NDUFAF6: variants seen among roughly 807,000 people sequenced by gnomAD.
NDUFAF6 encodes the protein NADH:ubiquinone oxidoreductase complex assembly factor 6.
Under a neutral mutation model 40.8 loss-of-function variants are expected in NDUFAF6, and 45 were observed. The observed-to-expected ratio is 1.10, with a 90% CI of 0.87 to 1.42. The LOEUF is 1.42. Among genes scored for constraint, NDUFAF6 ranks in the 40% most tolerant of loss-of-function variants. NDUFAF6 has a pLI of 0.00. For missense variants in NDUFAF6, 435 were observed against 418.5 expected, an observed-to-expected ratio of 1.04 and a Z score of -0.34; for synonymous variants, 185 against 155.9, an observed-to-expected ratio of 1.19 and a Z score of -1.39.
intron 2 of NDUFAF6, chr8:94,949,509 AC>A (rs1049964359): frequency 2.0e-5 from 3 of 151,646 alleles, no homozygotes; most frequent in African/African-American, 7.3e-5. Context: ...AACGCACGTG[AC>A]CTGGCGCCCG....
rs2132006057 is a variant in NDUFAF6, at chr8:95,058,451, T to A, written c.*514T>A. 1 of 1,230,912 alleles carries A rather than the reference T, an allele frequency of 8.1e-7. No homozygotes were observed. The highest frequency in any genetic ancestry group is 4.2e-5 in the South Asian group (1 of 23,966). The allele number at this position is 1,230,912 out of a possible 1,614,324, so 76.2% of individuals were successfully genotyped here. A position where few individuals can be genotyped will look rare whatever the true frequency, so the allele number is the denominator to read the frequency against. On this transcript the variant is annotated 3_prime_UTR_variant, in exon 9 of 9. Transcript: ENST00000396124. The stretch of plus-strand genomic sequence containing the variant: ...TGTTGTGGGCTTTTATCCTTAACGT[T>A]TAATTTTTACAATCTTGTGTAAAAA...
At chr8:94,909,388 C>A in intron 1 of NDUFAF6, among the ~76,000 whole-genome samples, 1 of 52,802 alleles carries the variant, frequency 1.9e-5, no homozygotes, top group East Asian at 9.4e-4. Flanking sequence ...AAAAACACTT[C>A]GGGAGGCCAA....
rs112115042 is a variant in NDUFAF6 at position 95,031,876 on chromosome 8, C to G, written c.198-119C>G. On this transcript the variant is annotated intron_variant, in intron 1 of 8. Transcript: ENST00000396124. ...TTGGCCTCCCAAAGTGCTGGGATTA[C>G]AGGCATGAGCTACCGCGCCCAACTT... 1.5e-5 allele frequency: 14 copies of G among 914,956 alleles called. No homozygotes were observed. The African/African-American group carries it at 2.3e-4, about 15-fold the overall frequency. The allele number at this position is 914,956 out of a possible 1,614,324, so 56.7% of individuals were successfully genotyped here. A position where few individuals can be genotyped will look rare whatever the true frequency, so the allele number is the denominator to read the frequency against.
At chr8:95,028,980 C>G (rs1828502952) in intron 1 of NDUFAF6, among the ~76,000 whole-genome samples, 1 of 152,160 alleles carries the variant, frequency 6.6e-6, no homozygotes, top group African/African-American at 2.4e-5. Flanking sequence ...TTTAGCAGTA[C>G]TCTTGAGATA....
intron 1 of NDUFAF6, among the ~76,000 whole-genome samples, chr8:94,932,574 C>T (rs1383048585): frequency 2.6e-5 from 4 of 152,260 alleles, no homozygotes; most frequent in East Asian, 3.9e-4. Context: ...GAGGCTGAGG[C>T]GGGCGGATCG....
chr8:95,064,540 CGTGTGT>C lies in NDUFAF6; in HGVS notation c.*512-11075_*512-11070del, dbSNP rs10559024. Among the ~76,000 whole-genome samples, 207 of 149,728 alleles carry C rather than the reference CGTGTGT, an allele frequency of 1.4e-3. 1 individual carries two copies. The highest frequency in any genetic ancestry group is 4.8e-3 in the African/African-American group (195 of 40,812). On this transcript the variant is annotated intron_variant and NMD_transcript_variant, in intron 9 of 9. Transcript: ENST00000520757. ...AGCCACTGTGATATTATCATTTATTCGTGTGTGTGTGTGTGTGTGTGTGCGCGCGTG... is the reference window on the plus strand; with the variant it reads ...AGCCACTGTGATATTATCATTTATTCGTGTGTGTGTGTGTGTGCGCGCGTG...
At chr8:94,932,313 C>G (rs906564406) in intron 1 of NDUFAF6, among the ~76,000 whole-genome samples, 2 of 152,156 alleles carry the variant, frequency 1.3e-5, no homozygotes, top group Admixed American at 1.3e-4. Flanking sequence ...TACCCTGAAG[C>G]CCACTGTAAT....
intron 7 of NDUFAF6, 95 bp from the exon 8 acceptor site, chr8:95,052,079 C>G: frequency 9.0e-7 from 1 of 1,109,258 alleles, no homozygotes; most frequent in Non-Finnish European, 1.4e-6. Context: ...TTGAGAGAGG[C>G]CCTATCAGTA....
At chr8:95,007,605 A>AG (rs1415297863) in intron 2 of NDUFAF6, among the ~76,000 whole-genome samples, 1 of 148,606 alleles carries the variant, frequency 6.7e-6, no homozygotes, top group African/African-American at 2.5e-5. Context: ...TTGAGGCTAT[A>AG]GTGAGCCATG....
chr8:95,065,358 C>T (rs1462495079), intron 9 of NDUFAF6, among the ~76,000 whole-genome samples: 1 of 152,192 alleles, frequency 6.6e-6, no homozygotes, highest in Non-Finnish European at 1.5e-5. Context: ...GTGTCCGCTG[C>T]AGAACTGCTG....
At chr8:95,051,492 G>T (rs1831423310) in intron 7 of NDUFAF6, among the ~76,000 whole-genome samples, 1 of 152,172 alleles carries the variant, frequency 6.6e-6, no homozygotes. Flanking sequence ...AAGTCAGGAA[G>T]TAGAGGGCTT....
intron 1 of NDUFAF6, among the ~76,000 whole-genome samples, chr8:94,931,203 A>G (rs1461314510): frequency 6.6e-6 from 1 of 152,260 alleles, no homozygotes; most frequent in African/African-American, 2.4e-5. Context: ...TTTCCTGTCT[A>G]TAAGTAAAAT....
At chr8:95,043,102 T>C (rs1830323168) in intron 4 of NDUFAF6, among the ~76,000 whole-genome samples, 1 of 150,494 alleles carries the variant, frequency 6.6e-6, no homozygotes, top group Admixed American at 6.6e-5. Context: ...TTTTTTTTTT[T>C]TGAGATGGAG....
At chr8:95,057,763 TCTTGATCA>T in intron 8 of NDUFAF6, 38 bp from the exon 9 acceptor site, 1 of 1,399,604 alleles carries the variant, frequency 7.1e-7, no homozygotes, top group Non-Finnish European at 9.9e-7. Flanking sequence ...TTTTTTTAAG[TCTTGATCA>T]TTTTATGATC....
intron 2 of NDUFAF6, among the ~76,000 whole-genome samples, chr8:94,994,211 A>G (rs62523084): frequency 0.073 from 11,137 of 152,176 alleles, 594 homozygotes; most frequent in African/African-American, 0.15. Context: ...GTGTGGTTCT[A>G]CTGGCCTCTG....
At chr8:95,004,257 A>C (rs968315902) in intron 2 of NDUFAF6, among the ~76,000 whole-genome samples, 2 of 151,286 alleles carry the variant, frequency 1.3e-5, no homozygotes, top group Non-Finnish European at 2.9e-5. Context: ...CAGCTTTTGC[A>C]CGTCTCCAGC....
chr8:95,112,373 G>C (rs1387293864), intron 4 of NDUFAF6, among the ~76,000 whole-genome samples: 6 of 152,148 alleles, frequency 3.9e-5, no homozygotes. Context: ...CCTTATAAGA[G>C]AAAGGCAGAG....
At chr8:95,056,838 G>A (rs1209400285) in intron 8 of NDUFAF6, among the ~76,000 whole-genome samples, 3 of 151,496 alleles carry the variant, frequency 2.0e-5, no homozygotes, top group Non-Finnish European at 2.9e-5. Context: ...CCCAGGAGGC[G>A]GAGGTTGCAG....
upstream of NDUFAF6, among the ~76,000 whole-genome samples, chr8:95,020,283 A>T (rs1207593205): frequency 6.6e-6 from 1 of 152,226 alleles, no homozygotes; most frequent in Non-Finnish European, 1.5e-5. Context: ...GCTGCTGATA[A>T]TAGGTTCCTT....
Sources: allele counts gnomAD v4.1 joint callset (sites outside exome capture counted in the v4.1 genomes callset), GRCh38; gene constraint gnomAD v4.1.1; transcripts MANE v1.5; gene names NCBI Gene and HGNC (gene_info 2026-07-23, HGNC 2026-07-21).